Variants in RAPGEF3 observed in about 807,000 individuals in gnomAD.
The protein encoded by RAPGEF3 is Rap guanine nucleotide exchange factor 3, also known as 9330170P05Rik.
RAPGEF3 carries 103 observed loss-of-function variants against 129.8 expected under a neutral mutation model. The ratio of observed to expected loss-of-function variants is 0.79; its 90% confidence interval spans 0.68 to 0.93. The LOEUF (loss-of-function observed/expected upper bound fraction) is 0.93, where lower values mean the gene tolerates loss of function less well. RAPGEF3 is among the 40% of genes least tolerant of loss of function. The pLI is 0.00. For missense variants in RAPGEF3, 1,117 were observed against 1,207.4 expected, an observed-to-expected ratio of 0.93 and a Z score of 1.11; for synonymous variants, 436 against 482.6, an observed-to-expected ratio of 0.90 and a Z score of 1.26.
chr12:47,750,510 C>T, intron 6 of RAPGEF3, 85 bp from the exon 7 acceptor site: 3 of 1,244,326 alleles, frequency 2.4e-6, no homozygotes, highest in Non-Finnish European at 2.3e-6. Context: ...CAGCCGATGC[C>T]TGTGCCAGAC....
intron 17 of RAPGEF3, 131 bp from the exon 18 acceptor site, chr12:47,743,807 C>T: frequency 1.4e-6 from 2 of 1,401,246 alleles, no homozygotes; most frequent in Non-Finnish European, 2.0e-6. Flanking sequence ...AGGCCCTGAG[C>T]AAAAAAGAGG....
Position 47,747,748 on chromosome 12 carries a change from C to A in RAPGEF3, c.1437G>T (p.Met479Ile). 6.2e-7 allele frequency: 1 copy of A among 1,609,840 alleles called. No individual in the cohort carries two copies. Among genetic ancestry groups the A allele is most frequent in the South Asian group, 1.1e-5 (1 of 91,086 alleles). The change falls in exon 14 of 28, where the codon ATG (methionine) becomes ATT (isoleucine). Residue 479 changes from methionine (M) to isoleucine (I), a missense_variant. This residue lies in a region of RAPGEF3 where 643 missense variants were observed against 673.4 expected (regional missense o/e 0.95). Transcript: ENST00000449771. ...TGGTGGCCACAGGGTCAGTGTGGAG[C>A]ATGGAGCCATACAGGGCCACCCACT... ...VSQWVALYGS[M>I]LHTDPVATSF...
chr12:47,741,063 G>A (rs1218393525), intron 19 of RAPGEF3, 23 bp from the exon 20 acceptor site: 1 of 1,609,902 alleles, frequency 6.2e-7, no homozygotes, highest in Non-Finnish European at 8.5e-7. Context: ...GAGTGCTCAG[G>A]GGGCTGCCTG....
chr12:47,758,232 G>A (rs1311605138), intron 1 of RAPGEF3, 154 bp from the exon 2 acceptor site: 10 of 1,435,246 alleles, frequency 7.0e-6, no homozygotes, highest in Non-Finnish European at 9.1e-6. Context: ...GGGAGGAACA[G>A]GAAGACCTTC....
chr12:47,748,243 C>T, intron 12 of RAPGEF3, 91 bp from the exon 13 acceptor site: 1 of 1,150,222 alleles, frequency 8.7e-7, no homozygotes, highest in Non-Finnish European at 1.3e-6. Context: ...CCCTTCCCCA[C>T]ATCCCACCAC....
At chr12:47,738,285 G>T (rs1202027975) in intron 25 of RAPGEF3, 38 bp from the exon 26 acceptor site, 1 of 1,609,710 alleles carries the variant, frequency 6.2e-7, no homozygotes, top group Non-Finnish European at 8.5e-7. Flanking sequence ...TTGCCTGAGG[G>T]AGAAACCCTG....
chr12:47,740,708 A>G lies in RAPGEF3; in HGVS notation c.2165T>C (p.Leu722Pro). ...NELQYWVATE[L>P]CLCPVPGPRA... ...GGGGCCGGGCACGGGGCAGAGACAC[A>G]GCTCGGTGGCCACCCAGTACTGCAG... The change falls in exon 21 of 28, where the codon CTG (leucine) becomes CCG (proline). Residue 722 changes from leucine (L) to proline (P), a missense_variant. Transcript: ENST00000449771. 1 of 1,613,952 alleles carries G rather than the reference A, an allele frequency of 6.2e-7. No individual in the cohort carries two copies. Among genetic ancestry groups the G allele is most frequent in the Non-Finnish European group, 8.5e-7 (1 of 1,179,980 alleles).
chr12:47,740,339 T>C lies in RAPGEF3; in HGVS notation c.2288A>G (p.Asn763Ser). Residue 763 changes from asparagine to serine, a missense_variant, in exon 22 of 28, where the codon AAC becomes AGC. By Grantham distance (46) the Asn-to-Ser change is conservative. This residue lies in a region of RAPGEF3 where 643 missense variants were observed against 673.4 expected (regional missense o/e 0.95). Transcript: ENST00000449771. ...GTGGGCTAGGCGGCTGATGGCCGAG[T>C]TGCTGAGGCCAAACATGACGGCAAA... The part of the protein sequence containing the change: ...SFFAVMFGLS[N>S]SAISRLAHTW... 1 of 1,613,990 alleles carries C rather than the reference T, an allele frequency of 6.2e-7. No homozygotes were observed. Among genetic ancestry groups the C allele is most frequent in the Non-Finnish European group, 8.5e-7 (1 of 1,179,988 alleles).
chr12:47,741,554 C>T lies in RAPGEF3; in HGVS notation c.1874G>A (p.Gly625Glu). 2 of 1,614,166 alleles carry T rather than the reference C, an allele frequency of 1.2e-6. No homozygotes were observed. Among genetic ancestry groups the T allele is most frequent in the Non-Finnish European group, 1.7e-6 (2 of 1,180,036 alleles). The change falls in exon 19 of 28, where the codon GGG becomes GAG. Residue 625 changes from glycine to glutamate, a missense_variant. This residue lies in a region of RAPGEF3 where 643 missense variants were observed against 673.4 expected (regional missense o/e 0.95). Transcript: ENST00000449771. ...PDARGVATSL[G>E]LNERLFVVNP... Reference sequence around the variant, plus strand: ...GACAACAAAGAGACGCTCATTGAGCCCCAGAGATGTGGCCACACCACGGGC... The same window carrying T: ...GACAACAAAGAGACGCTCATTGAGCTCCAGAGATGTGGCCACACCACGGGC...
chr12:47,739,740 C>A (rs1420678429), intron 23 of RAPGEF3: 1 of 368,550 alleles, frequency 2.7e-6, no homozygotes, highest in African/African-American at 2.1e-5. Context: ...CCCGCAAGCC[C>A]CTCGGAGTTC....
chr12:47,738,320 G>A (rs1158422725), intron 25 of RAPGEF3, 73 bp from the exon 26 acceptor site: 14 of 1,573,798 alleles, frequency 8.9e-6, no homozygotes, highest in African/African-American at 1.4e-5. Context: ...GCAGCAGGGA[G>A]GCCAAGCTCC....
intron 6 of RAPGEF3, 59 bp downstream of exon 6, chr12:47,750,989 C>G: frequency 6.4e-7 from 1 of 1,555,774 alleles, no homozygotes; most frequent in Non-Finnish European, 8.7e-7. Flanking sequence ...TCTGAGAAAC[C>G]GTGAAATCTG....
chr12:47,744,143 C>A (rs753049664), intron 16 of RAPGEF3, 75 bp from the exon 17 acceptor site: 1 of 1,257,702 alleles, frequency 8.0e-7, no homozygotes, highest in South Asian at 1.4e-5. Context: ...ATTGTGAGGT[C>A]CCTGTGTCAC....
Position 47,736,570 on chromosome 12 carries a change from T to G in RAPGEF3, c.*997A>C, listed in dbSNP as rs762427136. The G allele has an allele frequency of 2.0e-5, 3 of 152,254 alleles. No individual in the cohort carries two copies. Among genetic ancestry groups the G allele is most frequent in the Non-Finnish European group, 1.5e-5 (1 of 68,078 alleles). The allele number at this position is 152,254 out of a possible 1,614,324, so 9.4% of individuals were successfully genotyped here. On this transcript the variant is annotated 3_prime_UTR_variant, in exon 28 of 28. Transcript: ENST00000449771. ...TGACCAGAGCTTGCTGGGACCATTC[T>G]CAACACTGATGATAAACCCTGATTT... is the stretch of plus-strand genomic sequence containing the variant.
intron 16 of RAPGEF3, 85 bp from the exon 17 acceptor site, chr12:47,744,153 C>A: frequency 8.6e-7 from 1 of 1,162,230 alleles, no homozygotes; most frequent in Non-Finnish European, 1.2e-6. Context: ...CCCTGTGTCA[C>A]CAGGAGCACG....
intron 6 of RAPGEF3, among the ~76,000 whole-genome samples, chr12:47,750,787 G>A (rs1195298264): frequency 6.6e-6 from 1 of 152,224 alleles, no homozygotes; most frequent in Admixed American, 6.5e-5. Flanking sequence ...GTGTCTCTGA[G>A]TGGGAAGGGT....
chr12:47,743,550 A>G lies in RAPGEF3; in HGVS notation c.1805T>C (p.Val602Ala), dbSNP rs759004260. The change falls in exon 18 of 28, where the codon GTG becomes GCG. Residue 602 changes from valine (V) to alanine (A), a missense_variant. By Grantham distance (64) the Val-to-Ala change is moderately conservative. Transcript: ENST00000449771. Reference protein sequence around the residue: ...EDGWTKGQVLVKVNSAGDAIG... With the variant: ...EDGWTKGQVLAKVNSAGDAIG... ...CTCACCACCTGCAGAATTGACCTTC[A>G]CCAGCACCTGCCCCTTGGTCCAGCC... 5 of 1,614,006 alleles carry G rather than the reference A, an allele frequency of 3.1e-6. No homozygotes were observed. The highest frequency in any genetic ancestry group is 4.2e-6 in the Non-Finnish European group (5 of 1,179,888).
intron 1 of RAPGEF3, chr12:47,758,302 G>C: frequency 7.0e-7 from 1 of 1,432,902 alleles, no homozygotes; most frequent in Non-Finnish European, 9.1e-7. Flanking sequence ...GAAAAGATCA[G>C]GCCCTTCTTA....
intron 16 of RAPGEF3, chr12:47,746,598 T>A: frequency 1.4e-6 from 1 of 699,670 alleles, no homozygotes; most frequent in South Asian, 1.5e-5. Flanking sequence ...GGGCATGAAT[T>A]ACCTCCCAAA....
Sources: allele counts gnomAD v4.1 joint callset (sites outside exome capture counted in the v4.1 genomes callset), GRCh38; gene constraint gnomAD v4.1.1; regional missense constraint gnomAD v4.1.1; transcripts MANE v1.5; gene names NCBI Gene and HGNC (gene_info 2026-07-23, HGNC 2026-07-21).